Variants in FUT8 observed in about 807,000 individuals in gnomAD.
FUT8 encodes the protein alpha-(1,6)-fucosyltransferase.
In FUT8, 29 loss-of-function variants were observed where a neutral mutation model predicts 71.3. That is an observed-to-expected ratio of 0.41 (90% confidence interval 0.30 to 0.55). The LOEUF is 0.55. Ranked by LOEUF, FUT8 falls within the 20% of genes least tolerant of loss-of-function variation. FUT8 has a pLI of 0.34. For synonymous variants in FUT8, 254 were observed against 239.3 expected (o/e 1.06, Z -0.57); for missense variants, 544 against 702.1 (o/e 0.77, Z 2.55).
chr14:65,389,895 A>G, the FUT8 span, among the ~76,000 whole-genome samples: 4 of 151,548 alleles, frequency 2.6e-5, no homozygotes, highest in Non-Finnish European at 4.4e-5. Context: ...ATATATAAGT[A>G]CAATTGGGAG....
At chr14:65,422,173 T>C (rs1161003094) in intron 1 of FUT8, among the ~76,000 whole-genome samples, 1 of 152,164 alleles carries the variant, frequency 6.6e-6, no homozygotes, top group African/African-American at 2.4e-5. Context: ...CTTCCTGACT[T>C]CAGGGACAAA....
chr14:65,427,299 A>G (rs8014200), intron 1 of FUT8, among the ~76,000 whole-genome samples: 2,557 of 152,232 alleles, frequency 0.017, 68 homozygotes, highest in African/African-American at 0.058. Context: ...TTTCCTTTGG[A>G]TGTATACCCA....
chr14:65,663,679 CTCTT>C (rs1215562984), intron 6 of FUT8, among the ~76,000 whole-genome samples: 4 of 152,140 alleles, frequency 2.6e-5, no homozygotes, highest in South Asian at 2.1e-4. Flanking sequence ...TGGATTTTCC[CTCTT>C]TCTTTATGTC....
chr14:65,382,919 A>G, the FUT8 span, among the ~76,000 whole-genome samples: 2 of 150,836 alleles, frequency 1.3e-5, no homozygotes, highest in African/African-American at 4.9e-5. Flanking sequence ...TTTTTGCCCC[A>G]ATTCTAAGAA....
At chr14:65,429,575 T>C (rs912722785) in intron 1 of FUT8, among the ~76,000 whole-genome samples, 2 of 152,108 alleles carry the variant, frequency 1.3e-5, no homozygotes, top group African/African-American at 4.8e-5. Flanking sequence ...ATTAAGACTT[T>C]AAAGCAGGCC....
chr14:65,421,402 G>T (rs2065292665), intron 1 of FUT8, among the ~76,000 whole-genome samples: 1 of 152,066 alleles, frequency 6.6e-6, no homozygotes, highest in South Asian at 2.1e-4. Context: ...AGGCACACAT[G>T]GTGTAACTTT....
chr14:65,626,164 G>A (rs1889884836), intron 5 of FUT8, among the ~76,000 whole-genome samples: 1 of 151,554 alleles, frequency 6.6e-6, no homozygotes, highest in Non-Finnish European at 1.5e-5. Flanking sequence ...ATTATTAGTA[G>A]GTACTCTTCA....
intron 5 of FUT8, 36 bp from the exon 6 acceptor site, chr14:65,629,456 G>C: frequency 1.5e-6 from 2 of 1,368,252 alleles, no homozygotes; most frequent in Non-Finnish European, 2.1e-6. Context: ...AAGCAGTACA[G>C]ACAAGTTCGA....
intron 1 of FUT8, among the ~76,000 whole-genome samples, chr14:65,443,471 G>A (rs930048088): frequency 4.6e-5 from 7 of 151,110 alleles, no homozygotes; most frequent in East Asian, 2.0e-4. Flanking sequence ...CTATGATCCC[G>A]CACTTTGGGA....
chr14:65,687,174 CCT>C (rs769363662), intron 7 of FUT8, among the ~76,000 whole-genome samples: 1 of 151,628 alleles, frequency 6.6e-6, no homozygotes, highest in Admixed American at 6.6e-5. Flanking sequence ...CAGGACTAGC[CCT>C]CTCTTTAGTC....
chr14:65,534,982 A>G (rs1255684634), intron 2 of FUT8, among the ~76,000 whole-genome samples: 2 of 151,460 alleles, frequency 1.3e-5, no homozygotes, highest in Non-Finnish European at 2.9e-5. Context: ...TTGCTCTTGC[A>G]TCTCTAGTTC....
chr14:65,530,684 A>G (rs1008570077), intron 2 of FUT8, among the ~76,000 whole-genome samples: 43 of 152,168 alleles, frequency 2.8e-4, no homozygotes, highest in African/African-American at 1.0e-3. Flanking sequence ...GATGCGTTAA[A>G]TTAAAGTTGA....
intron 1 of FUT8, among the ~76,000 whole-genome samples, chr14:65,445,439 A>T (rs2065724617): frequency 6.6e-6 from 1 of 152,170 alleles, no homozygotes; most frequent in Non-Finnish European, 1.5e-5. Context: ...ATGGCAGCAC[A>T]AAATGGACCA....
intron 2 of FUT8, among the ~76,000 whole-genome samples, chr14:65,505,609 G>T (rs1259557178): frequency 1.3e-5 from 2 of 152,028 alleles, no homozygotes; most frequent in Non-Finnish European, 1.5e-5. Context: ...ACCGTGCCCG[G>T]CCTACATCTC....
intron 2 of FUT8, among the ~76,000 whole-genome samples, chr14:65,535,997 G>T (rs1275254991): frequency 6.6e-6 from 1 of 152,044 alleles, no homozygotes; most frequent in African/African-American, 2.4e-5. Flanking sequence ...GGATAGTTAG[G>T]TCTTCTTGTT....
chr14:65,696,136 T>G (rs1008807617), intron 7 of FUT8, among the ~76,000 whole-genome samples: 1 of 152,194 alleles, frequency 6.6e-6, no homozygotes, highest in Non-Finnish European at 1.5e-5. Context: ...TTGAATACAC[T>G]GTAGGTAAAT....
the FUT8 span, among the ~76,000 whole-genome samples, chr14:65,377,601 G>C: frequency 6.6e-6 from 1 of 152,120 alleles, no homozygotes; most frequent in African/African-American, 2.4e-5. Context: ...ATGTGATCCC[G>C]GTATGGCCTT....
chr14:65,377,561 T>C, the FUT8 span, among the ~76,000 whole-genome samples: 8 of 152,170 alleles, frequency 5.3e-5, no homozygotes, highest in Admixed American at 1.3e-4. Context: ...TCCACAGACA[T>C]TGGAAAAATA....
intron 1 of FUT8, among the ~76,000 whole-genome samples, chr14:65,438,229 C>T (rs914002314): frequency 6.6e-6 from 1 of 152,092 alleles, no homozygotes; most frequent in African/African-American, 2.4e-5. Context: ...CCTTCATCTG[C>T]CTTTCTTGTC....
Sources: allele counts gnomAD v4.1 joint callset (sites outside exome capture counted in the v4.1 genomes callset), GRCh38; gene constraint gnomAD v4.1.1; transcripts MANE v1.5; gene names NCBI Gene and HGNC (gene_info 2026-07-23, HGNC 2026-07-21).